The following PEBP4 variants were observed in gnomAD, a reference collection of about 807,000 sequenced individuals.
The protein encoded by PEBP4 is phosphatidylethanolamine binding protein 4, also known as phosphatidylethanolamine-binding protein 4.
A neutral mutation model predicts 23.9 loss-of-function variants in PEBP4; 22 were observed. The ratio of observed to expected loss-of-function variants is 0.92; its 90% CI spans 0.66 to 1.31. The LOEUF is 1.31. PEBP4 is among the 40% of genes most tolerant of loss of function. The pLI is 0.00. For synonymous variants in PEBP4, 112 were observed against 99.3 expected (o/e 1.13, Z -0.76); for missense variants, 324 against 281.7 (o/e 1.15, Z -1.07).
chr8:22,789,964 G>C (rs1256614218), intron 4 of PEBP4, among the ~76,000 whole-genome samples: 3 of 152,156 alleles, frequency 2.0e-5, no homozygotes, highest in Non-Finnish European at 4.4e-5. Flanking sequence ...TGTTGGGCCT[G>C]GCCTTCCAGG....
intron 3 of PEBP4, among the ~76,000 whole-genome samples, chr8:22,898,375 G>A (rs1462577084): frequency 6.0e-5 from 7 of 116,828 alleles, no homozygotes; most frequent in African/African-American, 2.3e-4. Flanking sequence ...CTGAGCGACA[G>A]AGGAAGACTC....
At chr8:22,910,297 C>T (rs908395803) in intron 3 of PEBP4, among the ~76,000 whole-genome samples, 7 of 152,224 alleles carry the variant, frequency 4.6e-5, no homozygotes, top group African/African-American at 1.7e-4. Flanking sequence ...GTACAGCTTA[C>T]CCCGTTGTTA....
intron 4 of PEBP4, among the ~76,000 whole-genome samples, chr8:22,767,782 T>TTTGG (rs1805638773): frequency 6.6e-6 from 1 of 152,086 alleles, no homozygotes; most frequent in African/African-American, 2.4e-5. Flanking sequence ...TGAGATGGAG[T>TTTGG]TTGGCTCTGT....
At chr8:22,852,162 T>C (rs960376793) in intron 3 of PEBP4, among the ~76,000 whole-genome samples, 12 of 152,126 alleles carry the variant, frequency 7.9e-5, no homozygotes, top group Non-Finnish European at 1.6e-4. Flanking sequence ...GGGAATCCCA[T>C]CACTGAGATT....
chr8:22,915,659 C>G (rs934402706), intron 3 of PEBP4, among the ~76,000 whole-genome samples: 11 of 152,216 alleles, frequency 7.2e-5, no homozygotes, highest in Non-Finnish European at 1.2e-4. Flanking sequence ...CGGCTGCAGT[C>G]CCCTGAGCCA....
chr8:22,832,077 G>A (rs977415709), intron 3 of PEBP4, among the ~76,000 whole-genome samples: 1 of 152,128 alleles, frequency 6.6e-6, no homozygotes, highest in Non-Finnish European at 1.5e-5. Context: ...GGCCAGTGGG[G>A]GCTAGCAGAC....
At chr8:22,927,788 C>T (rs1039567856) in intron 1 of PEBP4, 35 bp downstream of exon 1, 1 of 1,591,008 alleles carries the variant, frequency 6.3e-7, no homozygotes, top group Non-Finnish European at 8.5e-7. Context: ...TACCTGTGCC[C>T]CCGACCCCAG....
chr8:22,905,333 C>T (rs1330527294), intron 3 of PEBP4, among the ~76,000 whole-genome samples: 1 of 150,256 alleles, frequency 6.7e-6, no homozygotes, highest in Non-Finnish European at 1.5e-5. Flanking sequence ...TTATAAGAGC[C>T]CTTTATGCAT....
intron 6 of PEBP4, among the ~76,000 whole-genome samples, chr8:22,713,817 A>C (rs1004179982): frequency 5.9e-5 from 9 of 151,874 alleles, no homozygotes; most frequent in Non-Finnish European, 1.3e-4. Flanking sequence ...CTTCCCCAGC[A>C]CCTCTGTTTA....
At chr8:22,813,110 T>G (rs1357807879) in intron 4 of PEBP4, among the ~76,000 whole-genome samples, 1 of 152,166 alleles carries the variant, frequency 6.6e-6, no homozygotes, top group Non-Finnish European at 1.5e-5. Flanking sequence ...CTAAAGCACT[T>G]AGAAGCCCTT....
At chr8:22,754,974 G>A (rs1211963348) in intron 4 of PEBP4, 1 of 152,224 alleles carries the variant, frequency 6.6e-6, no homozygotes, top group Non-Finnish European at 1.5e-5. Flanking sequence ...CTAATGAGGA[G>A]GGAATATGGC....
At chr8:22,919,152 G>A (rs907770572) in intron 3 of PEBP4, among the ~76,000 whole-genome samples, 2 of 152,152 alleles carry the variant, frequency 1.3e-5, no homozygotes, top group Non-Finnish European at 2.9e-5. Context: ...CCGCCCTCTG[G>A]AGCTTGTTGT....
chr8:22,786,355 T>C (rs1031419849), intron 4 of PEBP4, among the ~76,000 whole-genome samples: 3 of 152,126 alleles, frequency 2.0e-5, no homozygotes, highest in African/African-American at 7.2e-5. Flanking sequence ...TGACCATAGC[T>C]CACTGCAGCC....
At position 22,749,805 on chromosome 8, in the gene PEBP4, C is replaced by CTTTTTTTTT. The variant is rs71206545; in HGVS notation, c.358-22594_358-22586dup. On this transcript the variant is annotated intron_variant, in intron 4 of 6. Coordinates refer to ENST00000256404, the MANE Select transcript of PEBP4 (RefSeq NM_144962.3). Reference sequence around the variant, plus strand: ...CTCTCCTGATTCTCAGTTTGTCATTCTTTTTTTTTTTTTTTTTTGAGATGG... The same window carrying CTTTTTTTTT: ...CTCTCCTGATTCTCAGTTTGTCATTCTTTTTTTTTTTTTTTTTTTTTTTTTTTGAGATGG... 3.8e-4 allele frequency among the ~76,000 whole-genome samples: 32 copies of CTTTTTTTTT among 83,750 alleles called. 4 individuals are homozygous for CTTTTTTTTT. The highest frequency in any genetic ancestry group is 9.6e-4 in the East Asian group (3 of 3,122). The allele number at this position is 83,750 out of a possible 152,430, so 54.9% of individuals were successfully genotyped here. A position where few individuals can be genotyped will look rare whatever the true frequency, so the allele number is the denominator to read the frequency against.
intron 3 of PEBP4, among the ~76,000 whole-genome samples, chr8:22,850,354 C>A (rs1807526997): frequency 6.6e-6 from 1 of 152,150 alleles, no homozygotes; most frequent in South Asian, 2.1e-4. Flanking sequence ...AAAGAGACTG[C>A]CTGATGGTGG....
chr8:22,739,730 C>T (rs565192958), intron 4 of PEBP4, among the ~76,000 whole-genome samples: 16 of 152,262 alleles, frequency 1.1e-4, no homozygotes, highest in Non-Finnish European at 2.4e-4. Context: ...GCAGTCCTCC[C>T]GTCTCCCCTC....
At position 22,869,465 on chromosome 8, in the gene PEBP4, A is replaced by G. The variant is rs137890764; in HGVS notation, c.258+50719T>C. On this transcript the variant is annotated intron_variant, in intron 3 of 6. Coordinates refer to ENST00000256404, the MANE Select transcript of PEBP4 (RefSeq NM_144962.3). ...CACAGTGCAAGTGTTTAAAGAATAA[A>G]CAAATGTGGGTTCAAAGTGAAAGGT... Among the ~76,000 whole-genome samples, 811 of 152,342 alleles carry G rather than the reference A, an allele frequency of 5.3e-3. 8 individuals are homozygous for G. Among genetic ancestry groups the G allele is most frequent in the African/African-American group, 0.019 (776 of 41,568 alleles).
intron 4 of PEBP4, among the ~76,000 whole-genome samples, chr8:22,791,681 A>G (rs913965524): frequency 2.0e-5 from 3 of 152,240 alleles, no homozygotes; most frequent in Admixed American, 1.3e-4. Context: ...CATCACATAT[A>G]TGTGTAACTC....
chr8:22,831,517 T>C (rs541789995), intron 3 of PEBP4, among the ~76,000 whole-genome samples: 1 of 152,302 alleles, frequency 6.6e-6, no homozygotes, highest in South Asian at 2.1e-4. Flanking sequence ...GCTCTTTTCA[T>C]ATACTAAGCA....
Sources: allele counts gnomAD v4.1 joint callset (sites outside exome capture counted in the v4.1 genomes callset), GRCh38; gene constraint gnomAD v4.1.1; transcripts MANE v1.5; gene names NCBI Gene and HGNC (gene_info 2026-07-23, HGNC 2026-07-21).